The following FAM53B variants were observed in gnomAD, a reference collection of about 807,000 sequenced individuals.
FAM53B encodes protein FAM53B.
FAM53B carries 12 observed loss-of-function variants against 32.7 expected under a neutral mutation model. The ratio of observed to expected loss-of-function variants is 0.37; its 90% CI spans 0.24 to 0.59. FAM53B has a LOEUF of 0.59. Among genes scored for constraint, FAM53B ranks in the 20% least tolerant of loss-of-function variants. The probability of loss-of-function intolerance (pLI) is 0.72; values close to 1 mark genes in which losing one functional copy is unlikely to be tolerated. For synonymous variants in FAM53B, 234 were observed against 228.7 expected (o/e 1.02, Z -0.21); for missense variants, 477 against 577.7 (o/e 0.83, Z 1.79).
In FAM53B at chr10:124,636,937, T is replaced by C. The variant is rs538493015; in HGVS notation, c.907-13333A>G. On this transcript the variant is annotated intron_variant, in intron 4 of 4. Coordinates refer to ENST00000337318, the MANE Select transcript of FAM53B (RefSeq NM_014661.4). ...GAGTCAGGTGCAGCTAGACTTCCTCTCGATCTGGGGGGAGCGAGACTTCTT... is the reference window on the plus strand; with the variant it reads ...GAGTCAGGTGCAGCTAGACTTCCTCCCGATCTGGGGGGAGCGAGACTTCTT... Among the ~76,000 whole-genome samples, 14 of 151,978 alleles carry C rather than the reference T, an allele frequency of 9.2e-5. No homozygotes were observed. The East Asian group carries it at 2.7e-3, about 30-fold the overall frequency.
At chr10:124,660,800 C>T (rs1050015755) in intron 4 of FAM53B, among the ~76,000 whole-genome samples, 10 of 152,288 alleles carry the variant, frequency 6.6e-5, no homozygotes, top group African/African-American at 1.2e-4. Flanking sequence ...TGTAAGCTAT[C>T]GGGCTCTGTC....
At chr10:124,629,678 C>T (rs537880790) in intron 4 of FAM53B, among the ~76,000 whole-genome samples, 7 of 152,204 alleles carry the variant, frequency 4.6e-5, no homozygotes, top group Non-Finnish European at 8.8e-5. Flanking sequence ...TGGCCAACAG[C>T]CTGGAAATTT....
intron 4 of FAM53B, among the ~76,000 whole-genome samples, chr10:124,666,658 T>C (rs1320457893): frequency 1.3e-5 from 2 of 152,144 alleles, no homozygotes; most frequent in African/African-American, 4.8e-5. Context: ...TCCCCAGCCC[T>C]GCCCCGGCCA....
Position 124,661,947 on chromosome 10 carries a change from G to A in FAM53B, c.906+19660C>T, listed in dbSNP as rs1023140621. Among the ~76,000 whole-genome samples the A allele has an allele frequency of 2.7e-4, 41 of 152,196 alleles. 1 individual carries two copies. Among genetic ancestry groups the A allele is most frequent in the African/African-American group, 8.0e-4 (33 of 41,442 alleles). On this transcript the variant is annotated intron_variant, in intron 4 of 4. Coordinates refer to ENST00000337318, the MANE Select transcript of FAM53B (RefSeq NM_014661.4). ...TGCTGCCATCCCAGGTCTGGGCTCCGATCGGTGAGCCCGGCTGCTTGGCTG... is the reference window on the plus strand; with the variant it reads ...TGCTGCCATCCCAGGTCTGGGCTCCAATCGGTGAGCCCGGCTGCTTGGCTG...
At chr10:124,722,247 A>G (rs962763693) in intron 1 of FAM53B, among the ~76,000 whole-genome samples, 1 of 152,204 alleles carries the variant, frequency 6.6e-6, no homozygotes, top group Admixed American at 6.5e-5. Flanking sequence ...AATCACCCTG[A>G]GCCGATCATC....
chr10:124,738,280 T>A (rs892381472), intron 1 of FAM53B, among the ~76,000 whole-genome samples: 3 of 152,056 alleles, frequency 2.0e-5, no homozygotes, highest in African/African-American at 7.2e-5. Context: ...TCAGGAACTT[T>A]AAAGATACCA....
At chr10:124,681,065 T>C (rs1949767554) in intron 4 of FAM53B, among the ~76,000 whole-genome samples, 1 of 152,198 alleles carries the variant, frequency 6.6e-6, no homozygotes, top group Admixed American at 6.5e-5. Flanking sequence ...AGGGCAAGGA[T>C]GATTGCAGAG....
At chr10:124,716,549 T>C (rs928629898) in intron 1 of FAM53B, among the ~76,000 whole-genome samples, 2 of 152,122 alleles carry the variant, frequency 1.3e-5, no homozygotes, top group African/African-American at 4.8e-5. Context: ...AATCTCAACA[T>C]GGGAATGAGA....
At chr10:124,703,113 C>T (rs1312739625) in intron 2 of FAM53B, among the ~76,000 whole-genome samples, 1 of 152,078 alleles carries the variant, frequency 6.6e-6, no homozygotes, top group African/African-American at 2.4e-5. Context: ...GCTGTGATAT[C>T]GGCTCACTGC....
intron 4 of FAM53B, among the ~76,000 whole-genome samples, chr10:124,629,507 C>T (rs1949377487): frequency 6.6e-6 from 1 of 152,138 alleles, no homozygotes; most frequent in Admixed American, 6.5e-5. Context: ...ACTCACAAGT[C>T]ACGAGCAGAG....
At chr10:124,743,845 A>T (rs1453388897) in intron 1 of FAM53B, among the ~76,000 whole-genome samples, 168 bp downstream of exon 1, 2 of 151,948 alleles carry the variant, frequency 1.3e-5, no homozygotes, top group African/African-American at 4.8e-5. Context: ...AACAAGGCAG[A>T]AAAAAAGGAA....
Position 124,622,996 on chromosome 10 carries a change from T to C in FAM53B, c.*246A>G. ...TTCAAAGCTGTCCTCTGGGCTGCAGTAGTTCTGTGGACCTGGTGGCTGCCA... is the reference window on the plus strand; with the variant it reads ...TTCAAAGCTGTCCTCTGGGCTGCAGCAGTTCTGTGGACCTGGTGGCTGCCA... On this transcript the variant is annotated 3_prime_UTR_variant, in exon 5 of 5. Transcript: ENST00000337318. 1.9e-6 allele frequency: 1 copy of C among 522,894 alleles called. No individual in the cohort carries two copies. Among genetic ancestry groups the C allele is most frequent in the Non-Finnish European group, 3.4e-6 (1 of 296,970 alleles). 32.4% of individuals were successfully genotyped at this position (522,894 alleles called of 1,614,324 possible).
chr10:124,731,787 T>A (rs1950145055), intron 1 of FAM53B, among the ~76,000 whole-genome samples: 3 of 152,066 alleles, frequency 2.0e-5, no homozygotes, highest in Non-Finnish European at 4.4e-5. Context: ...CTTCCCCGCA[T>A]CACCTCCAAA....
At chr10:124,728,520 A>G (rs1022141856) in intron 1 of FAM53B, among the ~76,000 whole-genome samples, 1 of 152,166 alleles carries the variant, frequency 6.6e-6, no homozygotes, top group Non-Finnish European at 1.5e-5. Flanking sequence ...GGAAGAGACA[A>G]TTCTGGATCC....
chr10:124,634,112 A>T (rs1450105387), intron 4 of FAM53B, among the ~76,000 whole-genome samples: 1 of 152,264 alleles, frequency 6.6e-6, no homozygotes. Context: ...AAACATTTAC[A>T]ACAGTGTTAT....
chr10:124,624,529 G>T (rs145901008), intron 4 of FAM53B, among the ~76,000 whole-genome samples: 1 of 152,346 alleles, frequency 6.6e-6, no homozygotes, highest in Non-Finnish European at 1.5e-5. Context: ...AGGCCCCAGA[G>T]AGAGAGTAGG....
chr10:124,679,286 A>T (rs1324921789), intron 4 of FAM53B, among the ~76,000 whole-genome samples: 1 of 152,172 alleles, frequency 6.6e-6, no homozygotes, highest in Non-Finnish European at 1.5e-5. Flanking sequence ...AAGCCACAGC[A>T]CGCAGAGGCT....
Position 124,623,608 on chromosome 10 carries a change from T to G in FAM53B, c.907-4A>C, listed in dbSNP as rs746075715. 9 of 1,608,030 alleles carry G rather than the reference T, an allele frequency of 5.6e-6. 1 individual carries two copies. In the South Asian group the frequency reaches 9.9e-5, roughly 18 times the overall value. On this transcript the variant is annotated splice_region_variant and splice_polypyrimidine_tract_variant and intron_variant, in intron 4 of 4. Transcript: ENST00000337318. ...GGCTGCTGAAGGTCTGACAGTTCTGTGGAGGGGCAGACACACAGGTTACTA... is the reference window on the plus strand; with the variant it reads ...GGCTGCTGAAGGTCTGACAGTTCTGGGGAGGGGCAGACACACAGGTTACTA...
chr10:124,674,134 C>G (rs1347662638), intron 4 of FAM53B, among the ~76,000 whole-genome samples: 1 of 152,224 alleles, frequency 6.6e-6, no homozygotes, highest in Non-Finnish European at 1.5e-5. Context: ...GACTCATACC[C>G]CAGCAGCACC....
Sources: gnomAD v4.1 joint callset for allele counts (sites outside exome capture counted in the v4.1 genomes callset) on GRCh38, gnomAD v4.1.1 for gene constraint, MANE v1.5 for transcripts, NCBI Gene and HGNC (gene_info 2026-07-23, HGNC 2026-07-21) for gene names.